JMY: variants seen among roughly 807,000 people sequenced by gnomAD.
JMY encodes junction-mediating and -regulatory protein.
A neutral mutation model predicts 103.3 loss-of-function variants in JMY; 46 were observed. The ratio of observed to expected loss-of-function variants is 0.45; its 90% confidence interval spans 0.35 to 0.57. JMY has a LOEUF of 0.57. Ranked by LOEUF, JMY falls within the 20% of genes least tolerant of loss-of-function variation. The pLI is 0.00. For synonymous variants in JMY, 526 were observed against 489.3 expected (o/e 1.07, Z -0.99); for missense variants, 1,238 against 1,255.2 (o/e 0.99, Z 0.21).
intron 1 of JMY, among the ~76,000 whole-genome samples, chr5:79,261,776 T>G (rs1486784587): frequency 1.3e-5 from 2 of 151,950 alleles, no homozygotes; most frequent in African/African-American, 4.8e-5. Flanking sequence ...AGGCGTGCAC[T>G]ACCATGCCCG....
chr5:79,250,975 C>G (rs1008615025), intron 1 of JMY, among the ~76,000 whole-genome samples: 4 of 151,946 alleles, frequency 2.6e-5, no homozygotes, highest in Non-Finnish European at 5.9e-5. Context: ...TGAGAACTGC[C>G]TATAATTCTT....
At chr5:79,294,784 G>T (rs1015848548) in intron 4 of JMY, among the ~76,000 whole-genome samples, 2 of 151,704 alleles carry the variant, frequency 1.3e-5, no homozygotes, top group African/African-American at 4.8e-5. Flanking sequence ...CTTGAACTCA[G>T]GAGGCACAGG....
At chr5:79,242,608 A>G (rs1403060374) in intron 1 of JMY, among the ~76,000 whole-genome samples, 1 of 152,178 alleles carries the variant, frequency 6.6e-6, no homozygotes, top group African/African-American at 2.4e-5. Flanking sequence ...CCAAGCTCCG[A>G]TGAAAGCCTA....
intron 4 of JMY, among the ~76,000 whole-genome samples, chr5:79,298,890 C>T (rs769319476): frequency 8.5e-5 from 13 of 152,082 alleles, no homozygotes; most frequent in African/African-American, 1.2e-4. Context: ...TTCTTTAAAA[C>T]GTATTCTTTT....
intron 1 of JMY, among the ~76,000 whole-genome samples, chr5:79,245,523 G>T (rs1032670010): frequency 6.6e-6 from 1 of 152,022 alleles, no homozygotes. Flanking sequence ...GCCTTTTTGG[G>T]CCTTAGTTTT....
chr5:79,269,368 G>A (rs1745675696), intron 1 of JMY, among the ~76,000 whole-genome samples: 1 of 152,170 alleles, frequency 6.6e-6, no homozygotes, highest in South Asian at 2.1e-4. Flanking sequence ...TCTGAAAGAG[G>A]TTGAGGAGTG....
intron 1 of JMY, among the ~76,000 whole-genome samples, chr5:79,276,765 C>G (rs1339372793): frequency 1.3e-5 from 2 of 152,052 alleles, no homozygotes; most frequent in African/African-American, 4.8e-5. Flanking sequence ...CGCCACTACA[C>G]CCAGCTAATT....
chr5:79,259,812 A>G (rs1467517510), intron 1 of JMY, among the ~76,000 whole-genome samples: 1 of 152,212 alleles, frequency 6.6e-6, no homozygotes, highest in African/African-American at 2.4e-5. Context: ...CCGAGCCTGC[A>G]GGGGCAAGGT....
chr5:79,284,440 G>A (rs1421242848), intron 2 of JMY: 2 of 1,540,616 alleles, frequency 1.3e-6, no homozygotes, highest in South Asian at 1.1e-5. Flanking sequence ...GGATTTGGCG[G>A]ACCCGTTGGT....
rs535455299 is a variant in JMY, at chr5:79,237,017, C to G, written c.367C>G (p.Leu123Val). 11 of 1,496,512 alleles carry G rather than the reference C, an allele frequency of 7.4e-6. No homozygotes were observed. Among genetic ancestry groups the G allele is most frequent in the Non-Finnish European group, 9.8e-6 (11 of 1,121,802 alleles). The allele number at this position is 1,496,512 out of a possible 1,614,324, so 92.7% of individuals were successfully genotyped here. ...GGSPRSTRSL[L>V]GDPRLRSPGS... ...CTCTCCTCGGAGCACTCGCAGCCTTCTGGGGGACCCGCGGCTGCGGAGTCC... is the reference window on the plus strand; with the variant it reads ...CTCTCCTCGGAGCACTCGCAGCCTTGTGGGGGACCCGCGGCTGCGGAGTCC... Residue 123 changes from leucine (L) to valine (V), a missense_variant, in exon 1 of 11, where the codon CTG becomes GTG. By Grantham distance (32) the Leu-to-Val change is conservative (BLOSUM62 1). Transcript: ENST00000396137.
At chr5:79,276,262 G>T (rs867692281) in intron 1 of JMY, among the ~76,000 whole-genome samples, 1 of 151,792 alleles carries the variant, frequency 6.6e-6, no homozygotes, top group Non-Finnish European at 1.5e-5. Context: ...GGGATTATGG[G>T]TGTGTGCCAC....
intron 2 of JMY, among the ~76,000 whole-genome samples, chr5:79,282,922 A>G (rs1337020989): frequency 2.0e-5 from 3 of 151,588 alleles, no homozygotes; most frequent in Non-Finnish European, 2.9e-5. Flanking sequence ...ATTATATTCT[A>G]TGGACAGTTG....
intron 7 of JMY, among the ~76,000 whole-genome samples, chr5:79,307,412 CTGT>C (rs1746916781): frequency 6.6e-6 from 1 of 152,090 alleles, no homozygotes; most frequent in African/African-American, 2.4e-5. Flanking sequence ...TAGCATTTTG[CTGT>C]TGTTACGTTT....
chr5:79,244,479 T>C (rs2112044560), intron 1 of JMY, among the ~76,000 whole-genome samples: 1 of 152,344 alleles, frequency 6.6e-6, no homozygotes, highest in East Asian at 1.9e-4. Flanking sequence ...AGCTGCTGTA[T>C]TTGAATTAGC....
chr5:79,301,662 G>A (rs1271672909), intron 6 of JMY, among the ~76,000 whole-genome samples: 2 of 152,188 alleles, frequency 1.3e-5, no homozygotes, highest in Non-Finnish European at 1.5e-5. Context: ...CAGTTACCTT[G>A]CCATCCAGAG....
intron 1 of JMY, among the ~76,000 whole-genome samples, chr5:79,238,503 G>A (rs1024870646): frequency 6.6e-6 from 1 of 152,112 alleles, no homozygotes; most frequent in African/African-American, 2.4e-5. Context: ...TTCTGCTGAA[G>A]GAACTTTACT....
At chr5:79,260,797 A>G (rs1006511139) in intron 1 of JMY, among the ~76,000 whole-genome samples, 1 of 151,990 alleles carries the variant, frequency 6.6e-6, no homozygotes, top group African/African-American at 2.4e-5. Context: ...AAAATAATTC[A>G]GTAGTTTTAC....
At chr5:79,257,205 C>G (rs1021571857) in intron 1 of JMY, among the ~76,000 whole-genome samples, 1 of 151,564 alleles carries the variant, frequency 6.6e-6, no homozygotes, top group Non-Finnish European at 1.5e-5. Context: ...CCCAAGTAGC[C>G]GTGATTACAG....
chr5:79,291,384 A>G, intron 4 of JMY, 85 bp downstream of exon 4: 3 of 1,177,086 alleles, frequency 2.5e-6, no homozygotes, highest in Non-Finnish European at 2.3e-6. Flanking sequence ...TTTTGATTCG[A>G]TAGGCAGTGA....
Sources: allele counts gnomAD v4.1 joint callset (sites outside exome capture counted in the v4.1 genomes callset), GRCh38; gene constraint gnomAD v4.1.1; transcripts MANE v1.5; gene names NCBI Gene and HGNC (gene_info 2026-07-23, HGNC 2026-07-21).